Variants in SSBP3 observed in about 807,000 individuals in gnomAD.
SSBP3 encodes single-stranded DNA-binding protein 3.
Under a neutral mutation model 69.6 loss-of-function variants are expected in SSBP3, and 5 were observed. The ratio of observed to expected loss-of-function variants is 0.07; its 90% CI spans 0.04 to 0.15. The LOEUF (loss-of-function observed/expected upper bound fraction) is 0.15. Ranked by LOEUF, SSBP3 falls within the 10% of genes least tolerant of loss-of-function variation. SSBP3 has a pLI of 1.00. For missense variants in SSBP3, 312 were observed against 534.0 expected, an observed-to-expected ratio of 0.58 and a Z score of 4.10; for synonymous variants, 196 against 193.4, an observed-to-expected ratio of 1.01 and a Z score of -0.11.
intron 4 of SSBP3, among the ~76,000 whole-genome samples, chr1:54,327,213 G>A (rs1404884715): frequency 2.2e-5 from 3 of 138,140 alleles, no homozygotes; most frequent in Non-Finnish European, 3.1e-5. Flanking sequence ...AGGAAAGAGA[G>A]GGAAAAGGAA....
At chr1:54,401,350 A>C (rs1224663255) in intron 4 of SSBP3, among the ~76,000 whole-genome samples, 6 of 152,034 alleles carry the variant, frequency 3.9e-5, no homozygotes, top group Non-Finnish European at 8.8e-5. Flanking sequence ...TCGTCTTAGC[A>C]GATACAGTAT....
chr1:54,247,926 G>A (rs772879764), intron 9 of SSBP3, among the ~76,000 whole-genome samples: 4 of 152,216 alleles, frequency 2.6e-5, no homozygotes, highest in Non-Finnish European at 1.5e-5. Flanking sequence ...TCTCCTTTCT[G>A]GCACTGGCAC....
At chr1:54,390,750 G>C (rs1003738688) in intron 4 of SSBP3, among the ~76,000 whole-genome samples, 2 of 152,370 alleles carry the variant, frequency 1.3e-5, no homozygotes, top group Middle Eastern at 3.4e-3. Context: ...CGCGGAGATC[G>C]TGGAGAGCCC....
upstream of SSBP3, among the ~76,000 whole-genome samples, chr1:54,408,810 A>G (rs1032191667): frequency 4.6e-5 from 7 of 152,214 alleles, no homozygotes; most frequent in Non-Finnish European, 7.3e-5. Flanking sequence ...AGAGAGGGGT[A>G]GGGTTCAGAG....
intron 4 of SSBP3, among the ~76,000 whole-genome samples, chr1:54,354,960 C>T (rs912867875): frequency 6.6e-6 from 1 of 152,186 alleles, no homozygotes; most frequent in African/African-American, 2.4e-5. Flanking sequence ...ATGAATGCCT[C>T]ATGCCTTTCC....
intron 2 of SSBP3, 76 bp downstream of exon 2, chr1:54,404,782 C>G: frequency 8.4e-7 from 1 of 1,197,590 alleles, no homozygotes; most frequent in Non-Finnish European, 1.2e-6. Context: ...AGTGGCTGCT[C>G]CTGAAAACAA....
intron 4 of SSBP3, among the ~76,000 whole-genome samples, chr1:54,294,183 GAAAGAAAGAAAA>G (rs1645663173): frequency 6.9e-5 from 7 of 101,896 alleles, no homozygotes; most frequent in African/African-American, 2.6e-4. Flanking sequence ...AAGAAAGAAA[GAAAGAAAGAAAA>G]GAAAAAAGAA....
intron 5 of SSBP3, among the ~76,000 whole-genome samples, chr1:54,270,229 A>C (rs1645169414): frequency 1.3e-5 from 2 of 152,210 alleles, no homozygotes; most frequent in African/African-American, 4.8e-5. Context: ...CAGTGACAGA[A>C]TGCAGGCGCA....
At chr1:54,261,107 C>T (rs1455774609) in intron 5 of SSBP3, among the ~76,000 whole-genome samples, 3 of 152,246 alleles carry the variant, frequency 2.0e-5, no homozygotes, top group African/African-American at 7.2e-5. Flanking sequence ...TCCGTCACTA[C>T]GTTCCCTGTG....
intron 4 of SSBP3, among the ~76,000 whole-genome samples, chr1:54,294,374 C>G (rs968121050): frequency 2.0e-5 from 3 of 151,936 alleles, no homozygotes; most frequent in Non-Finnish European, 4.4e-5. Flanking sequence ...TTCCTTCTGC[C>G]CGTAAAGCCC....
chr1:54,232,702 C>T (rs1406589729), intron 14 of SSBP3, among the ~76,000 whole-genome samples: 1 of 151,730 alleles, frequency 6.6e-6, no homozygotes, highest in Non-Finnish European at 1.5e-5. Context: ...GCCTGATTCT[C>T]CTGCCTCAGC....
intron 5 of SSBP3, among the ~76,000 whole-genome samples, chr1:54,259,048 G>T (rs1272504844): frequency 6.6e-6 from 1 of 152,116 alleles, no homozygotes; most frequent in East Asian, 1.9e-4. Flanking sequence ...GGAAGTGCAT[G>T]AAGGGTGGGG....
intron 4 of SSBP3, among the ~76,000 whole-genome samples, chr1:54,373,006 T>C (rs1004081499): frequency 1.3e-5 from 2 of 152,224 alleles, no homozygotes; most frequent in Non-Finnish European, 2.9e-5. Context: ...CTTTATATAA[T>C]TTCCCCATGG....
At chr1:54,304,041 C>A (rs1300495652) in intron 4 of SSBP3, among the ~76,000 whole-genome samples, 1 of 152,100 alleles carries the variant, frequency 6.6e-6, no homozygotes, top group East Asian at 1.9e-4. Flanking sequence ...GGACAGGAGA[C>A]CGGAGAAGGT....
chr1:54,247,315 T>C (rs1368239414), intron 9 of SSBP3, among the ~76,000 whole-genome samples: 1 of 152,202 alleles, frequency 6.6e-6, no homozygotes. Context: ...GTATTTCCCT[T>C]AGGGGATAGC....
chr1:54,352,115 G>A (rs1272485137), intron 4 of SSBP3, among the ~76,000 whole-genome samples: 1 of 152,098 alleles, frequency 6.6e-6, no homozygotes, highest in Non-Finnish European at 1.5e-5. Flanking sequence ...GGGCAATATA[G>A]TGAGACCCTA....
chr1:54,308,426 C>A (rs1444681766), intron 4 of SSBP3, among the ~76,000 whole-genome samples: 1 of 151,980 alleles, frequency 6.6e-6, no homozygotes, highest in African/African-American at 2.4e-5. Context: ...ATGGTGAAAC[C>A]CCGTCTCTAC....
chr1:54,233,880 T>A (rs1198607840), intron 14 of SSBP3, among the ~76,000 whole-genome samples: 1 of 152,198 alleles, frequency 6.6e-6, no homozygotes, highest in Non-Finnish European at 1.5e-5. Context: ...CGGGCCAGGA[T>A]GACAATGGCG....
intron 4 of SSBP3, among the ~76,000 whole-genome samples, chr1:54,318,948 C>G (rs1050947684): frequency 6.6e-6 from 1 of 152,288 alleles, no homozygotes; most frequent in African/African-American, 2.4e-5. Context: ...CGCAGCAACC[C>G]AGTGAATGGC....
Sources: gnomAD v4.1 joint callset for allele counts (sites outside exome capture counted in the v4.1 genomes callset) on GRCh38, gnomAD v4.1.1 for gene constraint, MANE v1.5 for transcripts, NCBI Gene and HGNC (gene_info 2026-07-23, HGNC 2026-07-21) for gene names.